ZDHHC13: variants seen among roughly 807,000 people sequenced by gnomAD.
ZDHHC13 encodes the protein palmitoyltransferase ZDHHC13.
A neutral mutation model predicts 86.0 loss-of-function variants in ZDHHC13; 85 were observed. That is an observed-to-expected ratio of 0.99 (90% CI 0.83 to 1.18). ZDHHC13 has a LOEUF of 1.18. Ranked by LOEUF, ZDHHC13 falls within the 50% of genes most tolerant of loss-of-function variation. The probability of loss-of-function intolerance (pLI) is 0.00; values close to 1 mark genes in which losing one functional copy is unlikely to be tolerated. For missense variants in ZDHHC13, 711 were observed against 730.2 expected (o/e 0.97, Z 0.30); for synonymous variants, 263 against 246.4 (o/e 1.07, Z -0.63).
At chr11:19,121,071 A>G (rs929609643) in intron 1 of ZDHHC13, among the ~76,000 whole-genome samples, 1 of 152,222 alleles carries the variant, frequency 6.6e-6, no homozygotes, top group Non-Finnish European at 1.5e-5. Context: ...AACATTTTCA[A>G]AAAGGTCCAT....
chr11:19,163,809 C>T (rs1849979292), intron 11 of ZDHHC13, among the ~76,000 whole-genome samples: 1 of 152,120 alleles, frequency 6.6e-6, no homozygotes. Flanking sequence ...GATGCCCCTC[C>T]TCCTCCTCAA....
chr11:19,147,882 GT>G (rs2133417548), intron 4 of ZDHHC13, among the ~76,000 whole-genome samples: 1 of 150,392 alleles, frequency 6.6e-6, no homozygotes, highest in Non-Finnish European at 1.5e-5. Context: ...TCAAATATGT[GT>G]TTTATAGTTT....
At chr11:19,175,389 C>CAAAAAAAAAAAAAAAAAAAAAAA (rs58806796) in intron 16 of ZDHHC13, among the ~76,000 whole-genome samples, 1 of 56,368 alleles carries the variant, frequency 1.8e-5, no homozygotes, top group Non-Finnish European at 3.2e-5. Flanking sequence ...GACTCCGTCT[C>CAAAAAAAAAAAAAAAAAAAAAAA]AAAAAAAAAA....
At chr11:19,156,977 T>C (rs1849773361) in intron 9 of ZDHHC13, among the ~76,000 whole-genome samples, 1 of 152,198 alleles carries the variant, frequency 6.6e-6, no homozygotes, top group Admixed American at 6.5e-5. Flanking sequence ...AGCGACTTCC[T>C]CTCTTTCCCT....
rs955144171 is a variant in ZDHHC13, at chr11:19,155,784, A to G, written c.874-12A>G. 1 of 1,606,726 alleles carries G rather than the reference A, an allele frequency of 6.2e-7. No homozygotes were observed. Among genetic ancestry groups the G allele is most frequent in the Non-Finnish European group, 8.5e-7 (1 of 1,178,478 alleles). Reference sequence around the variant, plus strand: ...AATCCATAAAGTTCTAAAATTCTGAATCTCTTAATAGCTCTTCCTGCTGCT... The same window carrying G: ...AATCCATAAAGTTCTAAAATTCTGAGTCTCTTAATAGCTCTTCCTGCTGCT... On this transcript the variant is annotated splice_polypyrimidine_tract_variant and intron_variant, in intron 8 of 16. Coordinates refer to ENST00000446113, the MANE Select transcript of ZDHHC13 (RefSeq NM_019028.3).
chr11:19,122,652 T>G (rs1340634864), intron 1 of ZDHHC13, among the ~76,000 whole-genome samples: 1 of 152,196 alleles, frequency 6.6e-6, no homozygotes. Context: ...TATCAATAAA[T>G]GAGACTGCCA....
chr11:19,147,716 C>G (rs776926960), intron 4 of ZDHHC13, 43 bp downstream of exon 4: 5 of 1,441,736 alleles, frequency 3.5e-6, no homozygotes, highest in South Asian at 1.2e-5. Context: ...CCACATATAG[C>G]TAGTGGTCAC....
chr11:19,153,272 G>A (rs1849662014), intron 8 of ZDHHC13, among the ~76,000 whole-genome samples: 1 of 152,064 alleles, frequency 6.6e-6, no homozygotes, highest in African/African-American at 2.4e-5. Flanking sequence ...CTGAATAATG[G>A]AAAACTTTAG....
chr11:19,160,748 C>A (rs922233396), intron 10 of ZDHHC13, among the ~76,000 whole-genome samples: 2 of 151,906 alleles, frequency 1.3e-5, no homozygotes, highest in Non-Finnish European at 2.9e-5. Context: ...GAATAACACA[C>A]CCCTAAGCTG....
At chr11:19,169,088 C>CTGAA in intron 14 of ZDHHC13, 1 of 985,444 alleles carries the variant, frequency 1.0e-6, no homozygotes, top group Non-Finnish European at 1.2e-6. Context: ...GATATTAAAT[C>CTGAA]TGAAAACCAG....
rs1442446816 is a variant in ZDHHC13 at position 19,175,935 on chromosome 11, G to C, written c.1844G>C (p.Arg615Thr). ...SQYTMVFHPA[R>T]EKVLRSV The stretch of plus-strand genomic sequence containing the variant: ...TACACCATGGTCTTTCACCCAGCCA[G>C]GGAGAAGGTTCTTCGCTCAGTATGA... The change falls in exon 17 of 17, where the codon AGG becomes ACG. Residue 615 changes from arginine (R) to threonine (T), a missense_variant. Arg to Thr is a moderately conservative substitution (Grantham distance 71). Coordinates refer to ENST00000446113, the MANE Select transcript of ZDHHC13 (RefSeq NM_019028.3). 5.6e-6 allele frequency: 9 copies of C among 1,610,680 alleles called. No homozygotes were observed. Among genetic ancestry groups the C allele is most frequent in the Non-Finnish European group, 7.6e-6 (9 of 1,178,746 alleles).
intron 15 of ZDHHC13, among the ~76,000 whole-genome samples, chr11:19,171,100 AT>A (rs1850209696): frequency 6.6e-6 from 1 of 152,148 alleles, no homozygotes; most frequent in South Asian, 2.1e-4. Flanking sequence ...GTTTAAATGG[AT>A]GAGAGTGGTA....
intron 15 of ZDHHC13, 134 bp from the exon 16 acceptor site, chr11:19,172,589 C>G: frequency 1.7e-6 from 1 of 580,712 alleles, no homozygotes; most frequent in Non-Finnish European, 2.8e-6. Context: ...TTAACTTTTT[C>G]TTTGTCCCTT....
At chr11:19,159,171 G>A in intron 10 of ZDHHC13, 131 bp downstream of exon 10, 1 of 590,432 alleles carries the variant, frequency 1.7e-6, no homozygotes, top group Middle Eastern at 4.6e-4. Context: ...TAATGGTTCT[G>A]GATGAAGACG....
At chr11:19,168,967 A>T (rs1357604231) in intron 14 of ZDHHC13, 1 of 985,248 alleles carries the variant, frequency 1.0e-6, no homozygotes, top group Admixed American at 6.1e-5. Context: ...ACCTGGAATG[A>T]TGTGAGTTCC....
intron 1 of ZDHHC13, among the ~76,000 whole-genome samples, chr11:19,132,068 T>G (rs1849013617): frequency 6.6e-6 from 1 of 152,258 alleles, no homozygotes; most frequent in African/African-American, 2.4e-5. Flanking sequence ...CTTTATAGTT[T>G]CAAGATCTGG....
chr11:19,165,665 G>T (rs1318584448), intron 13 of ZDHHC13, among the ~76,000 whole-genome samples: 1 of 152,152 alleles, frequency 6.6e-6, no homozygotes, highest in South Asian at 2.1e-4. Context: ...CTCAGATTGT[G>T]GGTTGCCACT....
chr11:19,117,244 G>C lies in ZDHHC13; in HGVS notation c.-6G>C. ...GTAGCCTCAGCCGCTGTGGGCTCCT[G>C]GGGAGATGGAGGGGCCGGGGCTGGG... On this transcript the variant is annotated 5_prime_UTR_variant, in exon 1 of 17. Coordinates refer to ENST00000446113, the MANE Select transcript of ZDHHC13 (RefSeq NM_019028.3). This position sits in a 1 kb window ranked among gnomAD's most constrained non-coding sequence, Gnocchi z 4.2. 1 of 1,520,278 alleles carries C rather than the reference G, an allele frequency of 6.6e-7. No individual in the cohort carries two copies. The highest frequency in any genetic ancestry group is 8.8e-7 in the Non-Finnish European group (1 of 1,135,516). The allele number at this position is 1,520,278 out of a possible 1,614,324, so 94.2% of individuals were successfully genotyped here. A position where few individuals can be genotyped will look rare whatever the true frequency, so the allele number is the denominator to read the frequency against.
intron 1 of ZDHHC13, among the ~76,000 whole-genome samples, chr11:19,135,776 A>G (rs1342626759): frequency 1.3e-5 from 2 of 152,248 alleles, no homozygotes; most frequent in African/African-American, 2.4e-5. Flanking sequence ...CTGACCCTTG[A>G]GCAGCCTAAC....
Sources: gnomAD v4.1 joint callset for allele counts (sites outside exome capture counted in the v4.1 genomes callset) on GRCh38, gnomAD v4.1.1 for gene constraint, Gnocchi (gnomAD v3.1) non-coding constraint, MANE v1.5 for transcripts, NCBI Gene and HGNC (gene_info 2026-07-23, HGNC 2026-07-21) for gene names.